Variants in ZNF644 observed in about 807,000 individuals in gnomAD.
ZNF644 encodes zinc finger protein 644.
ZNF644 carries 20 observed loss-of-function variants against 108.0 expected under a neutral mutation model. The observed-to-expected ratio is 0.19, with a 90% CI of 0.13 to 0.27. The LOEUF (loss-of-function observed/expected upper bound fraction) is 0.27. ZNF644 is among the 10% of genes least tolerant of loss of function. ZNF644 has a pLI of 1.00. For missense variants in ZNF644, 1,338 were observed against 1,548.9 expected, an observed-to-expected ratio of 0.86 and a Z score of 2.29; for synonymous variants, 542 against 539.1, an observed-to-expected ratio of 1.01 and a Z score of -0.08.
chr1:91,012,557 G>C (rs1233367182), intron 1 of ZNF644, among the ~76,000 whole-genome samples: 1 of 152,146 alleles, frequency 6.6e-6, no homozygotes, highest in Admixed American at 6.5e-5. Flanking sequence ...GGTTAAAATA[G>C]TGGTTACTTC....
intron 1 of ZNF644, among the ~76,000 whole-genome samples, chr1:91,009,285 C>T (rs1659726905): frequency 6.6e-6 from 1 of 151,958 alleles, no homozygotes; most frequent in African/African-American, 2.4e-5. Flanking sequence ...AACTCTAAAA[C>T]TATTAGTTCC....
At chr1:90,963,287 TC>T (rs1448557176) in intron 2 of ZNF644, among the ~76,000 whole-genome samples, 1 of 152,052 alleles carries the variant, frequency 6.6e-6, no homozygotes, top group East Asian at 1.9e-4. Context: ...TCCATTTGGA[TC>T]AGGGAAATGC....
intron 4 of ZNF644, among the ~76,000 whole-genome samples, chr1:90,930,185 C>G (rs909565178): frequency 2.6e-5 from 4 of 152,148 alleles, no homozygotes; most frequent in Non-Finnish European, 5.9e-5. Flanking sequence ...ACTCAGGAGG[C>G]TGAGCCAGGA....
At chr1:90,936,337 T>TAACA (rs778237026) in intron 4 of ZNF644, among the ~76,000 whole-genome samples, 1 of 152,166 alleles carries the variant, frequency 6.6e-6, no homozygotes, top group Non-Finnish European at 1.5e-5. Flanking sequence ...TCAACACAGC[T>TAACA]AACACATCTT....
In ZNF644 at chr1:90,940,455, A is replaced by T; in HGVS notation, c.899T>A (p.Ile300Lys). 1 of 1,613,572 alleles carries T rather than the reference A, an allele frequency of 6.2e-7. No individual in the cohort carries two copies. Among genetic ancestry groups the T allele is most frequent in the Non-Finnish European group, 8.5e-7 (1 of 1,179,888 alleles). ...AAAGCAATCCTCGGTATAACGAGTT[A>T]TCTTGCTTACATCCATTTTTCGCTT... ...KRKRKMDVSK[I>K]TRYTEDCFSD... Residue 300 changes from isoleucine to lysine, a missense_variant, in exon 3 of 6, where the codon ATA (isoleucine) becomes AAA (lysine). This residue lies in a region of ZNF644 where 464 missense variants were observed against 457.9 expected (regional missense o/e 1.01). Transcript: ENST00000337393.
chr1:90,932,453 G>A (rs971818428), intron 4 of ZNF644, among the ~76,000 whole-genome samples: 1 of 151,992 alleles, frequency 6.6e-6, no homozygotes, highest in African/African-American at 2.4e-5. Context: ...GATATACTAA[G>A]GTAAGATTTT....
chr1:90,954,563 C>T (rs1290455331), intron 2 of ZNF644, among the ~76,000 whole-genome samples: 1 of 152,058 alleles, frequency 6.6e-6, no homozygotes, highest in Non-Finnish European at 1.5e-5. Context: ...TGCACAACCA[C>T]GCCCGGCTAA....
chr1:90,999,267 G>T (rs1230836708), intron 1 of ZNF644, among the ~76,000 whole-genome samples: 1 of 152,116 alleles, frequency 6.6e-6, no homozygotes, highest in East Asian at 1.9e-4. Context: ...TGAAATGAAG[G>T]AAAAATGTTA....
chr1:91,013,830 G>T (rs990263767), intron 1 of ZNF644, among the ~76,000 whole-genome samples: 2 of 151,896 alleles, frequency 1.3e-5, no homozygotes, highest in African/African-American at 4.8e-5. Flanking sequence ...GTTAAAAAAA[G>T]AAAAAATGTA....
Position 91,014,343 on chromosome 1 carries a change from T to G in ZNF644, c.-18+7647A>C, listed in dbSNP as rs541423992. Among the ~76,000 whole-genome samples the G allele has an allele frequency of 3.0e-4, 46 of 152,200 alleles. No individual in the cohort carries two copies. In the South Asian group the frequency reaches 9.5e-3, roughly 32 times the overall value. ...GCTTTTTTCTTTTATGAATTAAATA[T>G]TATATTAGGAATTACTAATAGTAAT... On this transcript the variant is annotated intron_variant, in intron 1 of 5. Transcript: ENST00000337393.
chr1:91,019,980 C>A (rs1036727510), intron 1 of ZNF644, among the ~76,000 whole-genome samples: 11 of 152,120 alleles, frequency 7.2e-5, no homozygotes, highest in Admixed American at 5.9e-4. Context: ...TGTAGATATT[C>A]ACCTTCTCAT....
chr1:90,940,528 C>G lies in ZNF644; in HGVS notation c.826G>C (p.Val276Leu), dbSNP rs1651849645. ...TTAGAATGAGGTGGAGCTTTATCTA[C>G]TGTTTCCTCATTAGTCATAAGAAAT... ...IQFLMTNEET[V>L]DKAPPHSKIG... is the part of the protein sequence containing the mutation. Residue 276 changes from valine to leucine, a missense_variant, in exon 3 of 6, where the codon GTA (valine) becomes CTA (leucine). Val to Leu is a conservative substitution (Grantham distance 32). Around this residue, in one of 6 missense-constraint regions of ZNF644, gnomAD observed 464 missense variants for 457.9 expected, o/e 1.01. Coordinates refer to ENST00000337393, the MANE Select transcript of ZNF644 (RefSeq NM_201269.3). 5.6e-6 allele frequency: 9 copies of G among 1,613,686 alleles called. No individual in the cohort carries two copies. The highest frequency in any genetic ancestry group is 7.6e-6 in the Non-Finnish European group (9 of 1,179,926).
At position 90,938,723 on chromosome 1, in the gene ZNF644, T is replaced by C. The variant is rs944057706; in HGVS notation, c.2631A>G (p.Glu877=). ...GCTCTTGATTAATATCACTATAGGTTTCATCTTCTATGGCCTGTGTAGTGT... is the reference window on the plus strand; with the variant it reads ...GCTCTTGATTAATATCACTATAGGTCTCATCTTCTATGGCCTGTGTAGTGT... ...GDYTTQAIED[E]TYSDINQEHV... The change falls in exon 3 of 6, where the codon GAA becomes GAG. Residue 877 remains glutamate, a synonymous_variant. Transcript: ENST00000337393. The surrounding 1 kb of genome is among the most constrained non-coding windows in gnomAD (Gnocchi z 4.2). The C allele has an allele frequency of 1.2e-6, 2 of 1,613,808 alleles. No homozygotes were observed. The highest frequency in any genetic ancestry group is 3.3e-5 in the Admixed American group (2 of 59,980).
At chr1:91,021,262 G>A (rs542394851) in intron 1 of ZNF644, 1 of 152,850 alleles carries the variant, frequency 6.5e-6, no homozygotes, top group Non-Finnish European at 1.5e-5. Flanking sequence ...CAAACACTTC[G>A]AGCGATTTAC....
chr1:90,988,733 A>C (rs1313813262), intron 1 of ZNF644, among the ~76,000 whole-genome samples: 2 of 152,182 alleles, frequency 1.3e-5, no homozygotes, highest in Non-Finnish European at 2.9e-5. Flanking sequence ...TAATAAACCC[A>C]TGCATTTCTA....
rs150951076 is a variant in ZNF644 at position 90,940,331 on chromosome 1, T to C, written c.1023A>G (p.Ala341=). 12 of 1,613,796 alleles carry C rather than the reference T, an allele frequency of 7.4e-6. No individual in the cohort carries two copies. The highest frequency in any genetic ancestry group is 3.3e-5 in the Admixed American group (2 of 59,994). Reference sequence around the variant, plus strand: ...TTGATTCAGGCTTCACTTTTGATAATGCATATTTCTGTGAGTCTACTGCTT... The same window carrying C: ...TTGATTCAGGCTTCACTTTTGATAACGCATATTTCTGTGAGTCTACTGCTT... ...ELQAVDSQKY[A]LSKVKPESTD... is the part of the protein sequence containing the mutation. Residue 341 remains alanine, a synonymous_variant, in exon 3 of 6, where the codon GCA becomes GCG. Transcript: ENST00000337393.
intron 1 of ZNF644, among the ~76,000 whole-genome samples, chr1:91,006,831 G>T (rs1174863222): frequency 2.0e-5 from 3 of 152,060 alleles, no homozygotes; most frequent in African/African-American, 7.2e-5. Flanking sequence ...CTTTGATGGA[G>T]CCTGTGCCTT....
At chr1:90,926,639 C>G (rs1302587235) in intron 4 of ZNF644, among the ~76,000 whole-genome samples, 1 of 152,174 alleles carries the variant, frequency 6.6e-6, no homozygotes, top group Non-Finnish European at 1.5e-5. Flanking sequence ...AGCATGGTAG[C>G]AGATTGATTA....
chr1:90,980,763 T>C (rs959329940), intron 2 of ZNF644, among the ~76,000 whole-genome samples: 8 of 152,082 alleles, frequency 5.3e-5, no homozygotes, highest in African/African-American at 1.9e-4. Context: ...CAAAACTAAA[T>C]TATGCTGACA....
Sources: gnomAD v4.1 joint callset for allele counts (sites outside exome capture counted in the v4.1 genomes callset) on GRCh38, gnomAD v4.1.1 for gene constraint, gnomAD v4.1.1 regional missense constraint, Gnocchi (gnomAD v3.1) non-coding constraint, MANE v1.5 for transcripts, NCBI Gene and HGNC (gene_info 2026-07-23, HGNC 2026-07-21) for gene names.